SPTBN1: variants seen among roughly 807,000 people sequenced by gnomAD.
The protein encoded by SPTBN1 is spectrin beta chain, non-erythrocytic 1.
A neutral mutation model predicts 266.4 loss-of-function variants in SPTBN1; 32 were observed. The ratio of observed to expected loss-of-function variants is 0.12; its 90% CI spans 0.09 to 0.16. The LOEUF (loss-of-function observed/expected upper bound fraction) is 0.16, where lower values mean the gene tolerates loss of function less well. Among genes scored for constraint, SPTBN1 ranks in the 10% least tolerant of loss-of-function variants. The probability of loss-of-function intolerance (pLI) is 1.00; values close to 1 mark genes in which losing one functional copy is unlikely to be tolerated. For synonymous variants in SPTBN1, 1,336 were observed against 1,162.2 expected, an observed-to-expected ratio of 1.15 and a Z score of -3.04; for missense variants, 2,296 against 3,067.1, an observed-to-expected ratio of 0.75 and a Z score of 5.94.
At chr2:54,549,854 A>C (rs1262137891) in intron 2 of SPTBN1, among the ~76,000 whole-genome samples, 1 of 152,164 alleles carries the variant, frequency 6.6e-6, no homozygotes, top group Non-Finnish European at 1.5e-5. Flanking sequence ...TGGGGCACTG[A>C]TCAGTTTGGG....
intron 2 of SPTBN1, among the ~76,000 whole-genome samples, chr2:54,574,406 G>A (rs955657771): frequency 5.3e-5 from 8 of 152,156 alleles, no homozygotes; most frequent in African/African-American, 1.9e-4. Context: ...GCAGGATCTG[G>A]AGGGAGCAGT....
intron 17 of SPTBN1, among the ~76,000 whole-genome samples, chr2:54,634,485 G>A (rs1213254553): frequency 1.3e-5 from 2 of 152,070 alleles, no homozygotes; most frequent in Non-Finnish European, 2.9e-5. Context: ...GGAGCTTTCC[G>A]ATGACCTGCC....
At chr2:54,519,436 T>G (rs1034785344) in intron 1 of SPTBN1, among the ~76,000 whole-genome samples, 1 of 152,070 alleles carries the variant, frequency 6.6e-6, no homozygotes, top group Non-Finnish European at 1.5e-5. Context: ...TGGTGAGTGA[T>G]TTGAGGAGGT....
rs1053929220 is a variant in SPTBN1 at position 54,670,968 on chromosome 2, T to A, written c.*2399T>A. On this transcript the variant is annotated 3_prime_UTR_variant, in exon 36 of 36. Transcript: ENST00000356805. ...GTTTTTGGGTTTTTTGTTTTTTTTT[T>A]ATTCTTCCACTATCATGTTTTTTGA... is the stretch of plus-strand genomic sequence containing the variant. The A allele has an allele frequency of 1.0e-5, 4 of 396,752 alleles. No individual in the cohort carries two copies. Among genetic ancestry groups the A allele is most frequent in the Non-Finnish European group, 1.8e-5 (4 of 225,534 alleles). 24.6% of individuals were successfully genotyped at this position (396,752 alleles called of 1,614,324 possible).
intron 1 of SPTBN1, among the ~76,000 whole-genome samples, chr2:54,480,758 G>A (rs574206304): frequency 5.4e-4 from 82 of 152,204 alleles, no homozygotes; most frequent in Non-Finnish European, 1.0e-3. Flanking sequence ...AGTCTGGTTT[G>A]CCACAGCAGC....
chr2:54,646,450 A>G lies in SPTBN1; in HGVS notation c.4841A>G (p.Tyr1614Cys). The G allele has an allele frequency of 6.4e-7, 1 of 1,555,972 alleles. No homozygotes were observed. The highest frequency in any genetic ancestry group is 8.7e-7 in the Non-Finnish European group (1 of 1,151,600). Residue 1614 changes from tyrosine (Y) to cysteine (C), a missense_variant, in exon 23 of 36, where the codon TAC becomes TGC. This residue lies in a region of SPTBN1 where 644 missense variants were observed against 745.3 expected (regional missense o/e 0.86). Transcript: ENST00000356805. This position sits in a 1 kb window ranked among gnomAD's most constrained non-coding sequence, Gnocchi z 4.4. ...AEAWMSEQELYMMSEEKAKDE... is the reference protein window; with the variant it reads ...AEAWMSEQELCMMSEEKAKDE... Reference sequence around the variant, plus strand: ...GCCTGGATGAGCGAGCAGGAGCTGTACATGATGTCAGAGGAGAAGGCCAAG... The same window carrying G: ...GCCTGGATGAGCGAGCAGGAGCTGTGCATGATGTCAGAGGAGAAGGCCAAG...
intron 2 of SPTBN1, among the ~76,000 whole-genome samples, chr2:54,576,390 A>C (rs1174245067): frequency 6.6e-6 from 1 of 152,074 alleles, no homozygotes; most frequent in Non-Finnish European, 1.5e-5. Context: ...TGGCCTAATT[A>C]ATAACTTAAA....
intron 1 of SPTBN1, among the ~76,000 whole-genome samples, chr2:54,515,381 T>C (rs1670059834): frequency 1.3e-5 from 2 of 152,200 alleles, no homozygotes; most frequent in Admixed American, 1.3e-4. Flanking sequence ...TCTTGATAAA[T>C]AGGCTCTGTC....
rs183590360 is a variant in SPTBN1 at position 54,485,437 on chromosome 2, C to A, written c.-48+28919C>A. The stretch of plus-strand genomic sequence containing the variant: ...CCAGCTCCTAACCGTGAGTGATCTG[C>A]CAGCCTCGGCCTCCCAAGGTGCCGG... On this transcript the variant is annotated intron_variant, in intron 1 of 35. Coordinates refer to ENST00000356805, the MANE Select transcript of SPTBN1 (RefSeq NM_003128.3). Among the ~76,000 whole-genome samples, 896 of 152,346 alleles carry A rather than the reference C, an allele frequency of 5.9e-3. 9 individuals carry two copies. Among genetic ancestry groups the A allele is most frequent in the African/African-American group, 0.02 (851 of 41,576 alleles).
intron 1 of SPTBN1, among the ~76,000 whole-genome samples, chr2:54,481,140 CTAAG>C (rs942791632): frequency 5.3e-5 from 8 of 151,142 alleles, no homozygotes; most frequent in Admixed American, 5.3e-4. Flanking sequence ...ATCCACATCT[CTAAG>C]TAATAATGAT....
At chr2:54,526,277 C>T (rs543135407) in intron 1 of SPTBN1, 95 bp from the exon 2 acceptor site, 2 of 995,152 alleles carry the variant, frequency 2.0e-6, no homozygotes, top group African/African-American at 3.3e-5. Flanking sequence ...TTGGCAAGCA[C>T]TGTTTTTATT....
intron 3 of SPTBN1, among the ~76,000 whole-genome samples, chr2:54,600,329 G>A (rs1194157782): frequency 1.3e-5 from 2 of 152,296 alleles, no homozygotes; most frequent in East Asian, 3.9e-4. Context: ...AGAAGATAGT[G>A]AAGCCCTGTC....
At chr2:54,636,873 C>G (rs141618725) in intron 17 of SPTBN1, among the ~76,000 whole-genome samples, 2 of 152,314 alleles carry the variant, frequency 1.3e-5, no homozygotes, top group African/African-American at 4.8e-5. Context: ...TCAGTGGGTC[C>G]TCCCCTATTG....
At chr2:54,618,341 T>G (rs1191724420) in intron 7 of SPTBN1, 148 bp downstream of exon 7, 4 of 673,272 alleles carry the variant, frequency 5.9e-6, no homozygotes, top group Non-Finnish European at 1.0e-5. Flanking sequence ...TGAGGATTTA[T>G]GGAAAGGATG....
chr2:54,518,109 T>C (rs1204149148), intron 1 of SPTBN1, among the ~76,000 whole-genome samples: 1 of 152,194 alleles, frequency 6.6e-6, no homozygotes, highest in African/African-American at 2.4e-5. Context: ...TTTATATTTA[T>C]GAGCAGAGAA....
intron 7 of SPTBN1, among the ~76,000 whole-genome samples, chr2:54,619,200 C>T (rs1677833212): frequency 6.6e-6 from 1 of 152,194 alleles, no homozygotes; most frequent in Non-Finnish European, 1.5e-5. Flanking sequence ...AGGCAGGCTT[C>T]TTGCTATTTT....
chr2:54,661,063 A>T, intron 32 of SPTBN1: 1 of 985,428 alleles, frequency 1.0e-6, no homozygotes, highest in Non-Finnish European at 1.2e-6. Flanking sequence ...TGGCTTCAGA[A>T]GTCATGTCAG....
At chr2:54,536,557 G>A (rs1671613131) in intron 2 of SPTBN1, among the ~76,000 whole-genome samples, 1 of 152,228 alleles carries the variant, frequency 6.6e-6, no homozygotes, top group Non-Finnish European at 1.5e-5. Flanking sequence ...TTCAATAGCA[G>A]TCCAGTGGAG....
At chr2:54,527,511 G>C (rs1299737510) in intron 2 of SPTBN1, 1 of 152,306 alleles carries the variant, frequency 6.6e-6, no homozygotes, top group Admixed American at 6.5e-5. Context: ...ACCCAGAGTG[G>C]TTTAAGTGAC....
Sources: allele counts gnomAD v4.1 joint callset (sites outside exome capture counted in the v4.1 genomes callset), GRCh38; gene constraint gnomAD v4.1.1; regional missense constraint gnomAD v4.1.1; non-coding constraint Gnocchi (gnomAD v3.1); transcripts MANE v1.5; gene names NCBI Gene and HGNC (gene_info 2026-07-23, HGNC 2026-07-21).